Variants in ZNF609 observed in about 807,000 individuals in gnomAD.
The protein encoded by ZNF609 is zinc finger protein 609.
A neutral mutation model predicts 109.5 loss-of-function variants in ZNF609; 11 were observed. That is an observed-to-expected ratio of 0.10 (90% CI 0.06 to 0.17). The LOEUF (loss-of-function observed/expected upper bound fraction) is 0.17, where lower values mean the gene tolerates loss of function less well. Ranked by LOEUF, ZNF609 falls within the 10% of genes least tolerant of loss-of-function variation. The pLI is 1.00. For missense variants in ZNF609, 1,559 were observed against 1,772.4 expected, an observed-to-expected ratio of 0.88 and a Z score of 2.16; for synonymous variants, 646 against 662.0, an observed-to-expected ratio of 0.98 and a Z score of 0.37.
chr15:64,641,972 C>G (rs1896266425), intron 3 of ZNF609, among the ~76,000 whole-genome samples: 1 of 151,760 alleles, frequency 6.6e-6, no homozygotes, highest in Admixed American at 6.5e-5. Context: ...TAATTTGACC[C>G]TTCCTTACAG....
intron 2 of ZNF609, among the ~76,000 whole-genome samples, chr15:64,537,574 A>C (rs78133821): frequency 6.6e-6 from 1 of 152,148 alleles, no homozygotes; most frequent in Non-Finnish European, 1.5e-5. Context: ...AAGAAAAAAA[A>C]TACTAGAGCT....
At chr15:64,487,766 G>A (rs1362768075) in intron 1 of ZNF609, among the ~76,000 whole-genome samples, 1 of 152,072 alleles carries the variant, frequency 6.6e-6, no homozygotes, top group Non-Finnish European at 1.5e-5. Context: ...CTGAGTAGCT[G>A]GAACTACAAG....
chr15:64,579,964 C>A (rs202108219), intron 2 of ZNF609, among the ~76,000 whole-genome samples: 1 of 152,172 alleles, frequency 6.6e-6, no homozygotes, highest in African/African-American at 2.4e-5. Flanking sequence ...TCCCTGGAAC[C>A]TGTGAATATG....
chr15:64,577,152 G>A (rs199500853), intron 2 of ZNF609, among the ~76,000 whole-genome samples: 61 of 63,116 alleles, frequency 9.7e-4, no homozygotes, highest in African/African-American at 2.1e-3. Flanking sequence ...ATATACATAT[G>A]TGTATATATA....
chr15:64,679,997 C>T (rs1196861675), intron 6 of ZNF609, among the ~76,000 whole-genome samples, 188 bp from the exon 7 acceptor site: 1 of 152,096 alleles, frequency 6.6e-6, no homozygotes, highest in Non-Finnish European at 1.5e-5. Flanking sequence ...TCCTAATATC[C>T]CTTAGCTAAT....
intron 1 of ZNF609, among the ~76,000 whole-genome samples, chr15:64,498,371 C>A (rs1462864165): frequency 1.3e-5 from 2 of 152,080 alleles, no homozygotes; most frequent in Non-Finnish European, 2.9e-5. Context: ...TTTTAATACC[C>A]CATCACCACC....
chr15:64,587,543 C>T (rs189767956), intron 2 of ZNF609, among the ~76,000 whole-genome samples: 1 of 152,000 alleles, frequency 6.6e-6, no homozygotes, highest in Non-Finnish European at 1.5e-5. Flanking sequence ...GCATTTGTGG[C>T]GAGACTAGTA....
intron 2 of ZNF609, among the ~76,000 whole-genome samples, chr15:64,569,171 T>C (rs1430850897): frequency 6.6e-6 from 1 of 152,232 alleles, no homozygotes; most frequent in African/African-American, 2.4e-5. Flanking sequence ...TCTGACCATC[T>C]AATCTAAAAT....
At chr15:64,680,036 T>C (rs750325363) in intron 6 of ZNF609, 149 bp from the exon 7 acceptor site, 14 of 811,306 alleles carry the variant, frequency 1.7e-5, no homozygotes, top group Middle Eastern at 2.4e-4. Context: ...TAAAGAAAGG[T>C]CAAGCCAACA....
chr15:64,611,031 A>G (rs1487950455), intron 2 of ZNF609, among the ~76,000 whole-genome samples: 1 of 152,096 alleles, frequency 6.6e-6, no homozygotes, highest in African/African-American at 2.4e-5. Context: ...TTGTTTTTAT[A>G]TTCTTAAAGG....
chr15:64,584,520 C>T (rs1007730907), intron 2 of ZNF609, among the ~76,000 whole-genome samples: 1 of 152,006 alleles, frequency 6.6e-6, no homozygotes, highest in African/African-American at 2.4e-5. Flanking sequence ...AGGCTGGTCT[C>T]GAACTCGTGA....
chr15:64,652,707 A>T (rs1459537761), intron 3 of ZNF609, among the ~76,000 whole-genome samples: 8 of 152,020 alleles, frequency 5.3e-5, no homozygotes, highest in South Asian at 2.1e-4. Flanking sequence ...CTTATTTTTT[A>T]AAAATTTTAG....
At position 64,499,557 on chromosome 15, in the gene ZNF609, G is replaced by C. The variant is rs1327458773; in HGVS notation, c.138G>C (p.Gln46His). ...TGGACGCCGATCTGGAAAAGGACCA[G>C]CAGAAACTGGAAATGTCAGGCTCAA... ...IDLDADLEKDQQKLEMSGSKE... is the reference protein window; with the variant it reads ...IDLDADLEKDHQKLEMSGSKE... Residue 46 changes from glutamine (Q) to histidine (H), a missense_variant, in exon 2 of 10, where the codon CAG becomes CAC. By Grantham distance (24) the Gln-to-His change is conservative. Transcript: ENST00000326648. The C allele has an allele frequency of 6.2e-7, 1 of 1,614,148 alleles. No individual in the cohort carries two copies.
At chr15:64,610,254 G>A (rs181287737) in intron 2 of ZNF609, among the ~76,000 whole-genome samples, 9 of 152,222 alleles carry the variant, frequency 5.9e-5, no homozygotes, top group Admixed American at 3.3e-4. Flanking sequence ...ATTAGTGAGA[G>A]CTAAATGATG....
At chr15:64,660,902 C>T (rs1349212307) in intron 3 of ZNF609, among the ~76,000 whole-genome samples, 2 of 152,140 alleles carry the variant, frequency 1.3e-5, no homozygotes, top group Non-Finnish European at 2.9e-5. Context: ...TCCCTCACAT[C>T]GTCTTCTGCT....
chr15:64,656,708 C>CCCTT (rs1006835799), intron 3 of ZNF609, among the ~76,000 whole-genome samples: 1 of 151,078 alleles, frequency 6.6e-6, no homozygotes, highest in African/African-American at 2.4e-5. Context: ...CTCCCTTCCT[C>CCCTT]CCTTCCTTCC....
intron 2 of ZNF609, among the ~76,000 whole-genome samples, chr15:64,513,116 T>C: frequency 6.6e-6 from 1 of 152,208 alleles, no homozygotes; most frequent in Non-Finnish European, 1.5e-5. Flanking sequence ...TCAGAAGTTA[T>C]ATTAATCTGT....
At chr15:64,564,435 A>G (rs1894741705) in intron 2 of ZNF609, among the ~76,000 whole-genome samples, 1 of 152,160 alleles carries the variant, frequency 6.6e-6, no homozygotes, top group Non-Finnish European at 1.5e-5. Context: ...GTGTTAGATC[A>G]CTGCTGGGTC....
chr15:64,549,665 G>A (rs922325666), intron 2 of ZNF609, among the ~76,000 whole-genome samples: 2 of 152,208 alleles, frequency 1.3e-5, no homozygotes, highest in African/African-American at 4.8e-5. Flanking sequence ...GTACTCGTGT[G>A]TGTGTGTGTG....
Sources: allele counts gnomAD v4.1 joint callset (sites outside exome capture counted in the v4.1 genomes callset), GRCh38; gene constraint gnomAD v4.1.1; transcripts MANE v1.5; gene names NCBI Gene and HGNC (gene_info 2026-07-23, HGNC 2026-07-21).